The following MMD2 variants were observed in gnomAD, a reference collection of about 807,000 sequenced individuals.
MMD2 encodes the protein monocyte to macrophage differentiation associated 2.
Under a neutral mutation model 33.5 loss-of-function variants are expected in MMD2, and 30 were observed. The ratio of observed to expected loss-of-function variants is 0.90; its 90% CI spans 0.67 to 1.22. MMD2 has a LOEUF of 1.22. Among genes scored for constraint, MMD2 ranks in the 50% most tolerant of loss-of-function variants. MMD2 has a pLI of 0.00. For synonymous variants in MMD2, 129 were observed against 123.0 expected (o/e 1.05, Z -0.32); for missense variants, 364 against 325.4 (o/e 1.12, Z -0.91).
chr7:4,942,503 A>G (rs1294188567), intron 1 of MMD2, among the ~76,000 whole-genome samples: 1 of 151,424 alleles, frequency 6.6e-6, no homozygotes, highest in Non-Finnish European at 1.5e-5. Context: ...CCTGGCCTCA[A>G]GCTATCCTCC....
chr7:4,912,590 T>G (rs1171195975), intron 4 of MMD2, among the ~76,000 whole-genome samples: 2 of 150,842 alleles, frequency 1.3e-5, no homozygotes, highest in Admixed American at 1.3e-4. Flanking sequence ...TAACGGTCAA[T>G]GCACAGAAAA....
chr7:4,933,725 G>A (rs12540850), intron 1 of MMD2, among the ~76,000 whole-genome samples: 45,189 of 151,358 alleles, frequency 0.3, 6,893 homozygotes, highest in Admixed American at 0.38. Context: ...CTCGCATTCC[G>A]AGGCCCAATC....
chr7:4,920,755 T>A (rs991648390), intron 2 of MMD2, among the ~76,000 whole-genome samples: 1 of 135,628 alleles, frequency 7.4e-6, no homozygotes, highest in African/African-American at 2.7e-5. Flanking sequence ...CCTTGTCTTG[T>A]CCCCCATGCT....
At chr7:4,923,587 C>G (rs1214764055) in intron 2 of MMD2, among the ~76,000 whole-genome samples, 1 of 147,868 alleles carries the variant, frequency 6.8e-6, no homozygotes, top group Admixed American at 6.8e-5. Context: ...AGCTGGGATT[C>G]AAAGGCAGGT....
chr7:4,956,407 T>C (rs1039482544), intron 1 of MMD2, among the ~76,000 whole-genome samples: 3 of 151,130 alleles, frequency 2.0e-5, no homozygotes, highest in Non-Finnish European at 4.4e-5. Context: ...GCCTGGGTGA[T>C]AGAGTAGATC....
At chr7:4,928,161 C>A (rs1562485012) in intron 1 of MMD2, among the ~76,000 whole-genome samples, 1 of 152,186 alleles carries the variant, frequency 6.6e-6, no homozygotes. Flanking sequence ...GGGTTAAACT[C>A]CACTAAACAC....
Position 4,946,174 on chromosome 7 carries a change from T to C in MMD2, c.47+12797A>G, listed in dbSNP as rs1476766584. ...ACACCCGCGCGCACACCTGCACACATGCACACACACGCGCGCACACCCACA... is the reference window on the plus strand; with the variant it reads ...ACACCCGCGCGCACACCTGCACACACGCACACACACGCGCGCACACCCACA... On this transcript the variant is annotated intron_variant, in intron 1 of 6. Transcript: ENST00000401401. This position sits in a 1 kb window ranked among gnomAD's most constrained non-coding sequence, Gnocchi z 5.0. Among the ~76,000 whole-genome samples, 3 of 138,886 alleles carry C rather than the reference T, an allele frequency of 2.2e-5. No homozygotes were observed. The highest frequency in any genetic ancestry group is 4.7e-5 in the Non-Finnish European group (3 of 64,282). The allele number at this position is 138,886 out of a possible 152,430, so 91.1% of individuals were successfully genotyped here.
chr7:4,939,973 C>T (rs1272941734), intron 1 of MMD2, among the ~76,000 whole-genome samples: 1 of 152,176 alleles, frequency 6.6e-6, no homozygotes, highest in Non-Finnish European at 1.5e-5. Context: ...AACTCCTGAC[C>T]TCAAGCAATC....
At chr7:4,951,268 C>T (rs1786235170) in intron 1 of MMD2, among the ~76,000 whole-genome samples, 2 of 152,080 alleles carry the variant, frequency 1.3e-5, no homozygotes, top group South Asian at 4.2e-4. Context: ...AGCCCAAATC[C>T]AGACGGTTTA....
chr7:4,920,228 C>T lies in MMD2; in HGVS notation c.233G>A (p.Gly78Asp), dbSNP rs761325899. The stretch of plus-strand genomic sequence containing the variant: ...AAACACAGTGGACACCACGAAGAGG[C>T]CGCAGAGGCCGAGGCCGTAGATCCA... Reference protein sequence around the residue: ...SAWIYGLGLCGLFVVSTVFHT... With the variant: ...SAWIYGLGLCDLFVVSTVFHT... The change falls in exon 3 of 7, where the codon GGC becomes GAC. Residue 78 changes from glycine (G) to aspartate (D), a missense_variant. Gly to Asp is a moderately conservative substitution (Grantham distance 94). Coordinates refer to ENST00000401401, the MANE Select transcript of MMD2 (RefSeq NM_198403.4). The T allele has an allele frequency of 2.5e-6, 4 of 1,586,188 alleles. No homozygotes were observed. Among genetic ancestry groups the T allele is most frequent in the South Asian group, 1.2e-5 (1 of 86,510 alleles).
chr7:4,941,456 C>G (rs1785906954), intron 1 of MMD2, among the ~76,000 whole-genome samples: 1 of 152,066 alleles, frequency 6.6e-6, no homozygotes, highest in Non-Finnish European at 1.5e-5. Flanking sequence ...ATGGCGAAAC[C>G]CTGTCTCTAC....
At chr7:4,905,654 A>G (rs1784853557), downstream of MMD2, among the ~76,000 whole-genome samples, 1 of 152,024 alleles carries the variant, frequency 6.6e-6, no homozygotes, top group African/African-American at 2.4e-5. This position sits in a 1 kb window ranked among gnomAD's most constrained non-coding sequence, Gnocchi z 5.0. Flanking sequence ...CAGAACCCCC[A>G]GAACCCCCTC....
downstream of MMD2, among the ~76,000 whole-genome samples, chr7:4,905,820 G>T (rs1195486777): frequency 1.3e-5 from 2 of 152,156 alleles, no homozygotes; most frequent in African/African-American, 4.8e-5. This position sits in a 1 kb window ranked among gnomAD's most constrained non-coding sequence, Gnocchi z 5.0. Flanking sequence ...AGCTCTACAG[G>T]TCAGGCTTAC....
At chr7:4,922,888 T>G (rs1785323282) in intron 2 of MMD2, among the ~76,000 whole-genome samples, 1 of 152,184 alleles carries the variant, frequency 6.6e-6, no homozygotes, top group African/African-American at 2.4e-5. Context: ...CCTCACCCTG[T>G]GCTCATAGGT....
At chr7:4,893,364 T>TTTATTTA in the MMD2 span, among the ~76,000 whole-genome samples, 2 of 142,978 alleles carry the variant, frequency 1.4e-5, no homozygotes, top group South Asian at 2.3e-4. Context: ...TGGTTATTTC[T>TTTATTTA]TTTATTTATT....
chr7:4,899,210 C>T, the MMD2 span, among the ~76,000 whole-genome samples: 2 of 152,062 alleles, frequency 1.3e-5, no homozygotes, highest in African/African-American at 4.8e-5. Context: ...GACTTCTCAG[C>T]CTCCAGAACC....
At chr7:4,926,535 G>GA (rs1226320960) in intron 1 of MMD2, among the ~76,000 whole-genome samples, 1 of 151,992 alleles carries the variant, frequency 6.6e-6, no homozygotes, top group Non-Finnish European at 1.5e-5. Context: ...TCACCCCCAA[G>GA]AAAGTGCCCA....
rs1382439279 is a variant in MMD2 at position 4,933,960 on chromosome 7, G to C, written c.48-8428C>G. On this transcript the variant is annotated intron_variant, in intron 1 of 6. Transcript: ENST00000401401. ...AATGCCTTTTTTTTTTTTTTTTTTT[G>C]AGACAGTCTCCTAGGCTGGAGTGCA... Among the ~76,000 whole-genome samples the C allele has an allele frequency of 7.1e-5, 4 of 56,184 alleles. No individual in the cohort carries two copies. The Admixed American group carries it at 8.3e-4, about 12-fold the overall frequency. 36.9% of individuals were successfully genotyped at this position (56,184 alleles called of 152,430 possible).
At chr7:4,945,241 T>TTC (rs1562493940) in intron 1 of MMD2, among the ~76,000 whole-genome samples, 7 of 147,568 alleles carry the variant, frequency 4.7e-5, no homozygotes, top group African/African-American at 1.3e-4. Context: ...TTCTTCTTCC[T>TTC]CTCTCTCTTT....
Sources: allele counts gnomAD v4.1 joint callset (sites outside exome capture counted in the v4.1 genomes callset), GRCh38; gene constraint gnomAD v4.1.1; non-coding constraint Gnocchi (gnomAD v3.1); transcripts MANE v1.5; gene names NCBI Gene and HGNC (gene_info 2026-07-23, HGNC 2026-07-21).